The following SMG6 variants were observed in gnomAD, a reference collection of about 807,000 sequenced individuals.
SMG6 encodes SMG6 nonsense mediated mRNA decay factor.
SMG6 carries 66 observed loss-of-function variants against 142.2 expected under a neutral mutation model. That is an observed-to-expected ratio of 0.46 (90% CI 0.38 to 0.57). The LOEUF is 0.57. Among genes scored for constraint, SMG6 ranks in the 20% least tolerant of loss-of-function variants. SMG6 has a pLI of 0.00. For synonymous variants in SMG6, 779 were observed against 702.4 expected, an observed-to-expected ratio of 1.11 and a Z score of -1.72; for missense variants, 1,793 against 1,832.0, an observed-to-expected ratio of 0.98 and a Z score of 0.39.
chr17:2,181,856 A>T (rs1343657088), intron 12 of SMG6, among the ~76,000 whole-genome samples: 1 of 152,264 alleles, frequency 6.6e-6, no homozygotes, highest in Non-Finnish European at 1.5e-5. Flanking sequence ...AATGAGACCC[A>T]GCACTTCCTG....
intron 10 of SMG6, chr17:2,213,660 T>G (rs941528917): frequency 3.3e-5 from 5 of 152,256 alleles, no homozygotes; most frequent in African/African-American, 1.2e-4. Context: ...AGCAGAGTTC[T>G]TGGAAAACAA....
At chr17:2,240,398 T>G (rs2073770638) in intron 9 of SMG6, among the ~76,000 whole-genome samples, 1 of 152,066 alleles carries the variant, frequency 6.6e-6, no homozygotes, top group Non-Finnish European at 1.5e-5. Context: ...AACCTCTTAT[T>G]TTTAAAAAAC....
intron 13 of SMG6, among the ~76,000 whole-genome samples, chr17:2,160,320 A>C (rs568443384): frequency 8.5e-5 from 13 of 152,208 alleles, no homozygotes; most frequent in African/African-American, 2.9e-4. Context: ...CCTGGGTTCA[A>C]GTGATTCTTG....
chr17:2,127,275 T>A (rs1338033307), intron 13 of SMG6, among the ~76,000 whole-genome samples: 1 of 152,152 alleles, frequency 6.6e-6, no homozygotes, highest in Non-Finnish European at 1.5e-5. Flanking sequence ...GTGTAATGGT[T>A]ACGGCGTTTG....
At chr17:2,147,835 A>C (rs991056973) in intron 13 of SMG6, among the ~76,000 whole-genome samples, 9 of 152,222 alleles carry the variant, frequency 5.9e-5, no homozygotes, top group Non-Finnish European at 1.0e-4. Context: ...ACTCCTGTGC[A>C]CTATTGGTGA....
At chr17:2,079,001 T>C (rs1189855157) in intron 15 of SMG6, among the ~76,000 whole-genome samples, 2 of 152,222 alleles carry the variant, frequency 1.3e-5, no homozygotes, top group Non-Finnish European at 2.9e-5. Context: ...TCTTGCTCTG[T>C]TGCCCAGGCT....
At chr17:2,258,374 G>A (rs1283221487) in intron 8 of SMG6, among the ~76,000 whole-genome samples, 2 of 151,834 alleles carry the variant, frequency 1.3e-5, no homozygotes, top group Non-Finnish European at 2.9e-5. Context: ...TGGCCAACAC[G>A]GTGAAGGACC....
intron 10 of SMG6, among the ~76,000 whole-genome samples, chr17:2,223,181 C>G (rs1444885745): frequency 6.6e-6 from 1 of 152,234 alleles, no homozygotes; most frequent in Non-Finnish European, 1.5e-5. Flanking sequence ...CCCCTGCCAG[C>G]TCCTCCCCTC....
chr17:2,301,750 G>A (rs972226380), intron 1 of SMG6, among the ~76,000 whole-genome samples: 2 of 152,226 alleles, frequency 1.3e-5, no homozygotes, highest in Admixed American at 1.3e-4. Context: ...GCTGAGGCAG[G>A]AGAATAGCGT....
At chr17:2,137,528 G>A (rs577650742) in intron 13 of SMG6, among the ~76,000 whole-genome samples, 2 of 151,766 alleles carry the variant, frequency 1.3e-5, no homozygotes, top group Non-Finnish European at 2.9e-5. Flanking sequence ...CATGCAAATG[G>A]GCTTACTCAT....
intron 8 of SMG6, among the ~76,000 whole-genome samples, chr17:2,277,005 T>C (rs1421988442): frequency 6.6e-6 from 1 of 152,044 alleles, no homozygotes; most frequent in African/African-American, 2.4e-5. Flanking sequence ...GGTCTCGAAC[T>C]CCCAACCTCA....
intron 13 of SMG6, among the ~76,000 whole-genome samples, chr17:2,130,278 A>AAAAAAAAAAAAAAAAAAC (rs2070073534): frequency 6.8e-6 from 1 of 147,078 alleles, no homozygotes; most frequent in Non-Finnish European, 1.5e-5. Flanking sequence ...AAAAAAAAAA[A>AAAAAAAAAAAAAAAAAAC]AAAAAAGAAA....
intron 10 of SMG6, among the ~76,000 whole-genome samples, chr17:2,225,537 G>T (rs958009559): frequency 2.0e-5 from 3 of 151,842 alleles, no homozygotes; most frequent in African/African-American, 4.8e-5. Context: ...AATATTTACT[G>T]TCAAAATAAT....
At position 2,299,095 on chromosome 17, in the gene SMG6, T is replaced by C. The variant is rs371809888; in HGVS notation, c.1658A>G (p.Gln553Arg). Residue 553 changes from glutamine (Q) to arginine (R), a missense_variant, in exon 2 of 19, where the codon CAG becomes CGG. Physicochemically the swap from Gln to Arg is conservative, Grantham distance 43. Transcript: ENST00000263073. The surrounding 1 kb of genome is among the most constrained non-coding windows in gnomAD (Gnocchi z 4.3). ...GGTAGGTAGAGGGCTACACACATAC[T>C]GTCCTGACGGAGTCGGGTAGCCTGG... ...YYPGYPTPSGQYVCSPLPTST... is the reference protein window; with the variant it reads ...YYPGYPTPSGRYVCSPLPTST... The C allele has an allele frequency of 3.1e-6, 5 of 1,614,048 alleles. No homozygotes were observed. Among genetic ancestry groups the C allele is most frequent in the Non-Finnish European group, 4.2e-6 (5 of 1,180,028 alleles).
intron 10 of SMG6, among the ~76,000 whole-genome samples, chr17:2,198,729 T>C (rs1288979903): frequency 6.6e-6 from 1 of 152,004 alleles, no homozygotes; most frequent in Non-Finnish European, 1.5e-5. Context: ...GAAGAAGATC[T>C]GACACAGCAT....
rs543469143 is a variant in SMG6, at chr17:2,297,684, T to C, written c.2040+179A>G. On this transcript the variant is annotated intron_variant, in intron 3 of 18. Coordinates refer to ENST00000263073, the MANE Select transcript of SMG6 (RefSeq NM_017575.5). ...AAAGCTTTCAACCTCAAAACTCCAATTGCCAGTAATTTATGGTCCCAAGGA... is the reference window on the plus strand; with the variant it reads ...AAAGCTTTCAACCTCAAAACTCCAACTGCCAGTAATTTATGGTCCCAAGGA... Among the ~76,000 whole-genome samples, 5 of 152,248 alleles carry C rather than the reference T, an allele frequency of 3.3e-5. No homozygotes were observed. In the East Asian group the frequency reaches 7.7e-4, roughly 23 times the overall value.
intron 6 of SMG6, among the ~76,000 whole-genome samples, chr17:2,286,923 ATTTTTTTTT>A (rs59503723): frequency 1.8e-5 from 2 of 111,442 alleles, no homozygotes; most frequent in Non-Finnish European, 3.6e-5. Context: ...ACATAAAATA[ATTTTTTTTT>A]TTTTTTTTTT....
intron 13 of SMG6, among the ~76,000 whole-genome samples, chr17:2,107,287 C>T (rs2069181316): frequency 6.6e-6 from 1 of 152,160 alleles, no homozygotes. Flanking sequence ...AAGAGGTTCA[C>T]TAAGGACTGA....
intron 13 of SMG6, among the ~76,000 whole-genome samples, chr17:2,132,817 G>A (rs994107274): frequency 1.3e-5 from 2 of 152,168 alleles, no homozygotes; most frequent in Admixed American, 1.3e-4. Flanking sequence ...TGTTGAGACA[G>A]GGTCTCATTT....
Sources: gnomAD v4.1 joint callset for allele counts (sites outside exome capture counted in the v4.1 genomes callset) on GRCh38, gnomAD v4.1.1 for gene constraint, Gnocchi (gnomAD v3.1) non-coding constraint, MANE v1.5 for transcripts, NCBI Gene and HGNC (gene_info 2026-07-23, HGNC 2026-07-21) for gene names.